The following KPNA5 variants were observed in gnomAD, a reference collection of about 807,000 sequenced individuals.
The protein encoded by KPNA5 is importin subunit alpha-6.
In KPNA5, 46 loss-of-function variants were observed where a neutral mutation model predicts 71.3. The ratio of observed to expected loss-of-function variants is 0.65; its 90% CI spans 0.51 to 0.83. The LOEUF (loss-of-function observed/expected upper bound fraction) is 0.83. Ranked by LOEUF, KPNA5 falls within the 40% of genes least tolerant of loss-of-function variation. The pLI is 0.00. For missense variants in KPNA5, 547 were observed against 628.3 expected (o/e 0.87, Z 1.38); for synonymous variants, 207 against 201.4 (o/e 1.03, Z -0.24).
chr6:116,731,949 G>A (rs549004851), intron 13 of KPNA5, among the ~76,000 whole-genome samples, 187 bp from the exon 14 acceptor site: 8 of 151,316 alleles, frequency 5.3e-5, no homozygotes, highest in African/African-American at 1.5e-4. Flanking sequence ...AGTATAAATC[G>A]TAAGTGATGG....
chr6:116,724,060 T>C (rs1562453616), intron 9 of KPNA5, among the ~76,000 whole-genome samples: 1 of 152,036 alleles, frequency 6.6e-6, no homozygotes, highest in African/African-American at 2.4e-5. Flanking sequence ...TCTTCAAAAA[T>C]GGCAAAATCA....
intron 7 of KPNA5, among the ~76,000 whole-genome samples, chr6:116,715,920 AAAAAAG>A (rs1778867947): frequency 6.6e-6 from 1 of 151,918 alleles, no homozygotes. Flanking sequence ...GACTCAAAAA[AAAAAAG>A]AAAAAGAAAA....
chr6:116,712,873 C>T (rs1451677610), intron 7 of KPNA5, among the ~76,000 whole-genome samples: 2 of 151,748 alleles, frequency 1.3e-5, no homozygotes, highest in African/African-American at 4.8e-5. Context: ...TTAATGTACC[C>T]TAAGGAGTAT....
chr6:116,738,329 T>A lies in KPNA5; in HGVS notation c.*6006T>A, dbSNP rs868416564. Reference sequence around the variant, plus strand: ...GAAGTTGAATCTCTGAATAGACCAATAACAGGATCTGAAATTGTGGCAATA... The same window carrying A: ...GAAGTTGAATCTCTGAATAGACCAAAAACAGGATCTGAAATTGTGGCAATA... On this transcript the variant is annotated 3_prime_UTR_variant, in exon 14 of 14. Coordinates refer to ENST00000368564, the MANE Select transcript of KPNA5 (RefSeq NM_001366306.2). The A allele has an allele frequency of 6.6e-6, 1 of 152,066 alleles. No homozygotes were observed. The highest frequency in any genetic ancestry group is 3.2e-3 in the Middle Eastern group (1 of 316). The allele number at this position is 152,066 out of a possible 1,614,324, so 9.4% of individuals were successfully genotyped here.
At chr6:116,710,893 A>ATATAT (rs1302327650) in intron 7 of KPNA5, among the ~76,000 whole-genome samples, 3 of 86,762 alleles carry the variant, frequency 3.5e-5, no homozygotes, top group Admixed American at 1.4e-4. Flanking sequence ...ATATATATAT[A>ATATAT]TTTTTTTTTT....
At position 116,724,279 on chromosome 6, in the gene KPNA5, T is replaced by C. The variant is rs745615848; in HGVS notation, c.921-18T>C. 71 of 1,558,392 alleles carry C rather than the reference T, an allele frequency of 4.6e-5. No homozygotes were observed. Among genetic ancestry groups the C allele is most frequent in the Non-Finnish European group, 5.7e-5 (65 of 1,131,306 alleles). On this transcript the variant is annotated intron_variant, in intron 9 of 13. Transcript: ENST00000368564. ...AAATTCTTACTAGTATTTAGGTTCA[T>C]GTTTTTATTATTTTTAGGCACAATG...
chr6:116,740,239 A>T lies in KPNA5; in HGVS notation c.*7916A>T, dbSNP rs1403593099. 3 of 152,226 alleles carry T rather than the reference A, an allele frequency of 2.0e-5. No individual in the cohort carries two copies. Among genetic ancestry groups the T allele is most frequent in the Non-Finnish European group, 4.4e-5 (3 of 68,048 alleles). The allele number at this position is 152,226 out of a possible 1,614,324, so 9.4% of individuals were successfully genotyped here. ...ATTTATGCAGCCAAAAAACACATGA[A>T]AAAATGCTCACCATCACTGGCCATC... is the stretch of plus-strand genomic sequence containing the variant. On this transcript the variant is annotated 3_prime_UTR_variant, in exon 14 of 14. Coordinates refer to ENST00000368564, the MANE Select transcript of KPNA5 (RefSeq NM_001366306.2).
chr6:116,681,226 C>A lies in KPNA5; in HGVS notation c.-109C>A. 1 of 1,483,986 alleles carries A rather than the reference C, an allele frequency of 6.7e-7. No homozygotes were observed. Among genetic ancestry groups the A allele is most frequent in the Non-Finnish European group, 9.3e-7 (1 of 1,074,746 alleles). The allele number at this position is 1,483,986 out of a possible 1,614,324, so 91.9% of individuals were successfully genotyped here. A position where few individuals can be genotyped will look rare whatever the true frequency, so the allele number is the denominator to read the frequency against. On this transcript the variant is annotated 5_prime_UTR_variant, in exon 1 of 14. In the 5' UTR this introduces an upstream ATG that the reference lacks. Transcript: ENST00000368564. ...GGTGGCCGCCATCTTGGATTGCGAA[C>A]TGGGTCGCTACGCTTCACGCCAGGG...
chr6:116,724,403 T>C, intron 10 of KPNA5, 28 bp downstream of exon 10: 2 of 1,517,362 alleles, frequency 1.3e-6, no homozygotes, highest in Non-Finnish European at 1.8e-6. Context: ...TATCATAAAT[T>C]GTTAACATAA....
At chr6:116,718,528 G>C (rs1778985506) in intron 8 of KPNA5, among the ~76,000 whole-genome samples, 1 of 152,082 alleles carries the variant, frequency 6.6e-6, no homozygotes, top group African/African-American at 2.4e-5. Flanking sequence ...CTCCCAAAGT[G>C]CTGGCATTAC....
chr6:116,718,725 G>C (rs1323600159), intron 8 of KPNA5, among the ~76,000 whole-genome samples: 1 of 151,708 alleles, frequency 6.6e-6, no homozygotes, highest in Non-Finnish European at 1.5e-5. Flanking sequence ...TTTTATATGA[G>C]AGATTTGTTT....
At chr6:116,718,523 A>G (rs1272833956) in intron 8 of KPNA5, among the ~76,000 whole-genome samples, 1 of 152,034 alleles carries the variant, frequency 6.6e-6, no homozygotes, top group African/African-American at 2.4e-5. Flanking sequence ...TCGGCCTCCC[A>G]AAGTGCTGGC....
chr6:116,694,952 C>G (rs890291570), intron 4 of KPNA5, among the ~76,000 whole-genome samples: 10 of 151,984 alleles, frequency 6.6e-5, no homozygotes, highest in African/African-American at 2.4e-4. Context: ...TCACAATTCT[C>G]TTTTTCTTTT....
intron 1 of KPNA5, among the ~76,000 whole-genome samples, chr6:116,683,211 T>G (rs1777426805): frequency 6.6e-6 from 1 of 152,248 alleles, no homozygotes; most frequent in Non-Finnish European, 1.5e-5. Context: ...TTGTGAATTT[T>G]ATGCTAGAGT....
At chr6:116,712,385 G>A (rs1778731970) in intron 7 of KPNA5, among the ~76,000 whole-genome samples, 1 of 152,114 alleles carries the variant, frequency 6.6e-6, no homozygotes, top group Non-Finnish European at 1.5e-5. Context: ...ATGGAAAATC[G>A]CTTCTCGGCC....
chr6:116,705,941 A>T (rs1778422012), intron 7 of KPNA5, among the ~76,000 whole-genome samples: 1 of 152,214 alleles, frequency 6.6e-6, no homozygotes, highest in Non-Finnish European at 1.5e-5. Context: ...ATTTCTTGGC[A>T]TGGTTTCACT....
chr6:116,731,317 T>G (rs1019637873), intron 13 of KPNA5, among the ~76,000 whole-genome samples: 12 of 152,178 alleles, frequency 7.9e-5, no homozygotes, highest in Non-Finnish European at 1.5e-4. Flanking sequence ...AGACATTACA[T>G]GAATACAAGA....
chr6:116,708,889 G>A (rs1329464363), intron 7 of KPNA5, among the ~76,000 whole-genome samples: 23 of 152,110 alleles, frequency 1.5e-4, no homozygotes, highest in African/African-American at 5.3e-4. Flanking sequence ...AGGTTCAAGC[G>A]ATGCTCGTGC....
chr6:116,718,752 T>C (rs990852425), intron 8 of KPNA5, among the ~76,000 whole-genome samples: 3 of 151,830 alleles, frequency 2.0e-5, no homozygotes, highest in Non-Finnish European at 4.4e-5. Context: ...CATTCACTTT[T>C]TTTGAAATTT....
Sources: gnomAD v4.1 joint callset for allele counts (sites outside exome capture counted in the v4.1 genomes callset) on GRCh38, gnomAD v4.1.1 for gene constraint, MANE v1.5 for transcripts, NCBI Gene and HGNC (gene_info 2026-07-23, HGNC 2026-07-21) for gene names.